PCDHGA6: variants seen among roughly 807,000 people sequenced by gnomAD.
PCDHGA6 encodes the protein protocadherin gamma-A6.
PCDHGA6 carries 41 observed loss-of-function variants against 60.6 expected under a neutral mutation model. The observed-to-expected ratio is 0.68, with a 90% confidence interval of 0.53 to 0.88. PCDHGA6 has a LOEUF of 0.88. Among genes scored for constraint, PCDHGA6 ranks in the 40% least tolerant of loss-of-function variants. The pLI is 0.00. For missense variants in PCDHGA6, 1,312 were observed against 1,203.0 expected, an observed-to-expected ratio of 1.09 and a Z score of -1.34; for synonymous variants, 594 against 524.4, an observed-to-expected ratio of 1.13 and a Z score of -1.81.
Position 141,491,306 on chromosome 5 carries a change from A to G in PCDHGA6, c.2425-3501A>G. ...CTCATACACCCTCCTGAGCGTTCAGACCTTACCCTTTACCTCATTGTGGCT... is the reference window on the plus strand; with the variant it reads ...CTCATACACCCTCCTGAGCGTTCAGGCCTTACCCTTTACCTCATTGTGGCT... On this transcript the variant is annotated intron_variant, in intron 1 of 3. Coordinates refer to ENST00000517434, the MANE Select transcript of PCDHGA6 (RefSeq NM_018919.3). This position sits in a 1 kb window ranked among gnomAD's most constrained non-coding sequence, Gnocchi z 6.9. 1 of 1,614,032 alleles carries G rather than the reference A, an allele frequency of 6.2e-7. No individual in the cohort carries two copies. The highest frequency in any genetic ancestry group is 2.2e-5 in the East Asian group (1 of 44,872).
At chr5:141,479,063 A>G (rs1476826751) in intron 1 of PCDHGA6, among the ~76,000 whole-genome samples, 1 of 152,204 alleles carries the variant, frequency 6.6e-6, no homozygotes, top group African/African-American at 2.4e-5. Context: ...ATAATTTTTT[A>G]TGAATGAAAT....
chr5:141,405,106 C>T, intron 1 of PCDHGA6: 1 of 1,613,964 alleles, frequency 6.2e-7, no homozygotes, highest in South Asian at 1.1e-5. Context: ...GGCTGAGGCA[C>T]TGGCACTCCT....
intron 1 of PCDHGA6, chr5:141,421,164 A>G (rs1304650780): frequency 1.6e-6 from 2 of 1,286,298 alleles, no homozygotes; most frequent in African/African-American, 1.5e-5. Flanking sequence ...GACTTCATAG[A>G]TACATAAGCC....
intron 1 of PCDHGA6, among the ~76,000 whole-genome samples, chr5:141,450,783 G>A (rs2879228): frequency 0.25 from 37,099 of 150,510 alleles, 4,810 homozygotes; most frequent in Admixed American, 0.32. Flanking sequence ...CACCGTGCCC[G>A]GACCTCATGA....
In PCDHGA6 at chr5:141,385,336, C is replaced by T. The variant is rs866774654; in HGVS notation, c.2424+8829C>T. 2.5e-6 allele frequency: 4 copies of T among 1,579,494 alleles called. No homozygotes were observed. In the African/African-American group the frequency reaches 5.4e-5, roughly 22 times the overall value. ...GCCAAGTATTCAGGTGAGCCCAGCC[C>T]TTCCTTTATTTCCATGAGGAATTTA... On this transcript the variant is annotated intron_variant, in intron 1 of 3. Coordinates refer to ENST00000517434, the MANE Select transcript of PCDHGA6 (RefSeq NM_018919.3).
At position 141,431,335 on chromosome 5, in the gene PCDHGA6, C is replaced by A. The variant is rs747132346; in HGVS notation, c.2424+54828C>A. On this transcript the variant is annotated intron_variant, in intron 1 of 3. Transcript: ENST00000517434. This position sits in a 1 kb window ranked among gnomAD's most constrained non-coding sequence, Gnocchi z 4.8. ...ATGGAGCCGACGGTAGTAAGTACCCCGAATTGGTGCTGAAACGCGCCCTGG... is the reference window on the plus strand; with the variant it reads ...ATGGAGCCGACGGTAGTAAGTACCCAGAATTGGTGCTGAAACGCGCCCTGG... 11 of 1,613,944 alleles carry A rather than the reference C, an allele frequency of 6.8e-6. No homozygotes were observed. The Admixed American group carries it at 1.5e-4, about 22-fold the overall frequency.
intron 2 of PCDHGA6, among the ~76,000 whole-genome samples, chr5:141,504,268 T>A (rs539485141): frequency 2.2e-4 from 34 of 152,348 alleles, no homozygotes; most frequent in Admixed American, 1.3e-3. Context: ...AGTATTTTTT[T>A]AAATTATGAA....
chr5:141,434,889 A>C (rs1213631251), intron 1 of PCDHGA6, among the ~76,000 whole-genome samples: 2 of 151,512 alleles, frequency 1.3e-5, no homozygotes, highest in African/African-American at 4.8e-5. Context: ...ACAACAATCC[A>C]GTCCCCTTCC....
Position 141,491,034 on chromosome 5 carries a change from T to G in PCDHGA6, c.2425-3773T>G, listed in dbSNP as rs375902824. 1 of 1,614,170 alleles carries G rather than the reference T, an allele frequency of 6.2e-7. No homozygotes were observed. The highest frequency in any genetic ancestry group is 8.5e-7 in the Non-Finnish European group (1 of 1,180,024). On this transcript the variant is annotated intron_variant, in intron 1 of 3. Coordinates refer to ENST00000517434, the MANE Select transcript of PCDHGA6 (RefSeq NM_018919.3). The surrounding 1 kb of genome is among the most constrained non-coding windows in gnomAD (Gnocchi z 6.9). ...CCAAGGTGACAGCCGTGGATGCTGATGCAGGCCACAATGCGTGGCTCTCCT... is the reference window on the plus strand; with the variant it reads ...CCAAGGTGACAGCCGTGGATGCTGAGGCAGGCCACAATGCGTGGCTCTCCT...
chr5:141,393,023 T>G (rs372159245), intron 1 of PCDHGA6: 22 of 1,613,668 alleles, frequency 1.4e-5, no homozygotes, highest in Non-Finnish European at 1.7e-5. Flanking sequence ...TCTCCAGAGG[T>G]AGGACGCAGC....
chr5:141,390,429 T>C lies in PCDHGA6; in HGVS notation c.2424+13922T>C, dbSNP rs2092145009. On this transcript the variant is annotated intron_variant, in intron 1 of 3. Transcript: ENST00000517434. ...GTTGTAGTCAGTTAAAAAGCTGTCA[T>C]ATCATTCTACAAAGGAGGAGTAAAG... The C allele has an allele frequency of 6.0e-6, 6 of 1,008,304 alleles. No homozygotes were observed. The South Asian group carries it at 6.8e-5, about 11-fold the overall frequency. The allele number at this position is 1,008,304 out of a possible 1,614,324, so 62.5% of individuals were successfully genotyped here. A position where few individuals can be genotyped will look rare whatever the true frequency, so the allele number is the denominator to read the frequency against.
intron 2 of PCDHGA6, among the ~76,000 whole-genome samples, chr5:141,501,212 A>G (rs936235563): frequency 1.9e-4 from 29 of 150,770 alleles, no homozygotes; most frequent in Admixed American, 1.8e-3. Flanking sequence ...TGTCAGGGTG[A>G]CTTCCTAGAT....
In PCDHGA6 at chr5:141,486,056, C is replaced by T; in HGVS notation, c.2425-8751C>T. 6.2e-7 allele frequency: 1 copy of T among 1,614,170 alleles called. No homozygotes were observed. The highest frequency in any genetic ancestry group is 8.5e-7 in the Non-Finnish European group (1 of 1,180,026). ...TGATCGTGTAAGAAACCTCTTTAGC[C>T]TGCACCCCACTACTGGAAAGCTTAC... On this transcript the variant is annotated intron_variant, in intron 1 of 3. Transcript: ENST00000517434. The surrounding 1 kb of genome is among the most constrained non-coding windows in gnomAD (Gnocchi z 5.0).
chr5:141,390,388 G>A, intron 1 of PCDHGA6: 1 of 1,423,474 alleles, frequency 7.0e-7, no homozygotes, highest in African/African-American at 1.4e-5. Flanking sequence ...TAGATGTCAT[G>A]GATCATTTTA....
In PCDHGA6 at chr5:141,491,219, C is replaced by T; in HGVS notation, c.2425-3588C>T. ...GGTGACCCTTCACTCTCCTCCACAG[C>T]CACAGTGCTGCTGGTTCTGGAGGAT... is the stretch of plus-strand genomic sequence containing the variant. On this transcript the variant is annotated intron_variant, in intron 1 of 3. Coordinates refer to ENST00000517434, the MANE Select transcript of PCDHGA6 (RefSeq NM_018919.3). The surrounding 1 kb of genome is among the most constrained non-coding windows in gnomAD (Gnocchi z 6.9). 3 of 1,614,208 alleles carry T rather than the reference C, an allele frequency of 1.9e-6. No homozygotes were observed. The highest frequency in any genetic ancestry group is 2.5e-6 in the Non-Finnish European group (3 of 1,180,028).
At position 141,375,593 on chromosome 5, in the gene PCDHGA6, T is replaced by C. The variant is rs922478028; in HGVS notation, c.1510T>C (p.Tyr504His). Residue 504 changes from tyrosine to histidine, a missense_variant, in exon 1 of 4, where the codon TAC becomes CAC. Transcript: ENST00000517434. ...CCTCCAGGGGGCGCCCCTGTCCTCCTACGTGTCCATCAACTCCGACACTGG... is the reference window on the plus strand; with the variant it reads ...CCTCCAGGGGGCGCCCCTGTCCTCCCACGTGTCCATCAACTCCGACACTGG... ...DTLQGAPLSS[Y>H]VSINSDTGIL... is the part of the protein sequence containing the mutation. The C allele has an allele frequency of 6.2e-7, 1 of 1,614,024 alleles. No homozygotes were observed. Among genetic ancestry groups the C allele is most frequent in the African/African-American group, 1.3e-5 (1 of 74,920 alleles).
intron 1 of PCDHGA6, among the ~76,000 whole-genome samples, chr5:141,407,761 G>T (rs938743690): frequency 6.6e-6 from 1 of 152,132 alleles, no homozygotes; most frequent in Non-Finnish European, 1.5e-5. Context: ...GTATAAGTTT[G>T]AAATTGTGCA....
chr5:141,510,959 G>A lies in PCDHGA6; in HGVS notation c.2585G>A (p.Gly862Glu). 6.2e-7 allele frequency: 1 copy of A among 1,614,110 alleles called. No individual in the cohort carries two copies. Among genetic ancestry groups the A allele is most frequent in the Non-Finnish European group, 8.5e-7 (1 of 1,180,012 alleles). Residue 862 changes from glycine to glutamate, a missense_variant, in exon 4 of 4, where the codon GGG becomes GAG. Coordinates refer to ENST00000517434, the MANE Select transcript of PCDHGA6 (RefSeq NM_018919.3). ...TCTGTCTCTGCAGAAGCTGCTGATG[G>A]GAGCTCCACCCTGGGAGGGGGTGCC... ...ILASASEAADGSSTLGGGAGT... is the reference protein window; with the variant it reads ...ILASASEAADESSTLGGGAGT...
Position 141,431,756 on chromosome 5 carries a change from G to T in PCDHGA6, c.2424+55249G>T. The T allele has an allele frequency of 6.2e-7, 1 of 1,614,236 alleles. No individual in the cohort carries two copies. Among genetic ancestry groups the T allele is most frequent in the South Asian group, 1.1e-5 (1 of 91,088 alleles). On this transcript the variant is annotated intron_variant, in intron 1 of 3. Transcript: ENST00000517434. This position sits in a 1 kb window ranked among gnomAD's most constrained non-coding sequence, Gnocchi z 4.8. Reference sequence around the variant, plus strand: ...TGCAGGATATTCTGCGCGAGCCAAAGTCCTGATCACTGTTCTGGACGTGAA... The same window carrying T: ...TGCAGGATATTCTGCGCGAGCCAAATTCCTGATCACTGTTCTGGACGTGAA...
Sources: allele counts gnomAD v4.1 joint callset (sites outside exome capture counted in the v4.1 genomes callset), GRCh38; gene constraint gnomAD v4.1.1; non-coding constraint Gnocchi (gnomAD v3.1); transcripts MANE v1.5; gene names NCBI Gene and HGNC (gene_info 2026-07-23, HGNC 2026-07-21).